Variants in NEXMIF observed in about 807,000 individuals in gnomAD.
The protein encoded by NEXMIF is XLMR protein related to neurite extension.
NEXMIF carries 8 observed loss-of-function variants against 62.1 expected under a neutral mutation model. The ratio of observed to expected loss-of-function variants is 0.13; its 90% CI spans 0.08 to 0.23. The LOEUF is 0.23. NEXMIF is among the 10% of genes least tolerant of loss of function. NEXMIF has a pLI of 1.00. For synonymous variants in NEXMIF, 404 were observed against 416.6 expected (o/e 0.97, Z 0.37); for missense variants, 976 against 1,113.3 (o/e 0.88, Z 1.75).
At chrX:74,915,094 G>T (rs184766414) in intron 1 of NEXMIF, among the ~76,000 whole-genome samples, 1 of 111,496 alleles carries the variant, frequency 9.0e-6, no homozygotes, top group Non-Finnish European at 1.9e-5. Flanking sequence ...GATCTCTAGC[G>T]GTGATGAAAT....
chrX:74,896,932 T>C (rs1416570848), intron 1 of NEXMIF, among the ~76,000 whole-genome samples: 1 of 112,203 alleles, frequency 8.9e-6, no homozygotes, highest in Non-Finnish European at 1.9e-5. Flanking sequence ...TGTTGACACT[T>C]CTGTTCCCAA....
chrX:74,907,055 CT>C (rs2080771410), intron 1 of NEXMIF, among the ~76,000 whole-genome samples: 1 of 111,792 alleles, frequency 8.9e-6, no homozygotes, highest in African/African-American at 3.3e-5. Flanking sequence ...CTTTGACCCC[CT>C]GCCACACCCA....
rs150874746 is a variant in NEXMIF at position 74,809,995 on chromosome X, G to A, written c.-47-64298C>T. Reference sequence around the variant, plus strand: ...AGGATTACAAAATAGTTCTATGAGAGCAAGATCTACCAAGAGGAAGAAACA... The same window carrying A: ...AGGATTACAAAATAGTTCTATGAGAACAAGATCTACCAAGAGGAAGAAACA... On this transcript the variant is annotated intron_variant, in intron 1 of 3. Coordinates refer to ENST00000055682, the MANE Select transcript of NEXMIF (RefSeq NM_001008537.3). Among the ~76,000 whole-genome samples, 439 of 111,693 alleles carry A rather than the reference G, an allele frequency of 3.9e-3. 3 individuals are homozygous for A. The highest frequency in any genetic ancestry group is 0.013 in the African/African-American group (413 of 30,739).
At chrX:74,768,443 G>A (rs764945082) in intron 1 of NEXMIF, among the ~76,000 whole-genome samples, 1 of 112,225 alleles carries the variant, frequency 8.9e-6, no homozygotes, top group Admixed American at 9.4e-5. Context: ...CCCCGAAACT[G>A]ATGTTTTGAG....
At chrX:74,828,607 A>C (rs2080425935) in intron 1 of NEXMIF, among the ~76,000 whole-genome samples, 1 of 111,901 alleles carries the variant, frequency 8.9e-6, no homozygotes, top group Non-Finnish European at 1.9e-5. Context: ...GACTTTAAGC[A>C]ATAGGAATAT....
chrX:74,796,165 T>C (rs1240448961), intron 1 of NEXMIF, among the ~76,000 whole-genome samples: 1 of 74,325 alleles, frequency 1.3e-5, no homozygotes, highest in Non-Finnish European at 2.4e-5. Flanking sequence ...ATATATATTA[T>C]ATATATTATA....
intron 1 of NEXMIF, among the ~76,000 whole-genome samples, chrX:74,862,355 C>A (rs1387874959): frequency 9.1e-6 from 1 of 110,214 alleles, no homozygotes; most frequent in Non-Finnish European, 1.9e-5. Flanking sequence ...TCTTAGAGAC[C>A]TACAAAGAGA....
chrX:74,918,032 G>T (rs763779203), intron 1 of NEXMIF, among the ~76,000 whole-genome samples: 1 of 111,251 alleles, frequency 9.0e-6, no homozygotes, highest in African/African-American at 3.3e-5. Flanking sequence ...GGTAGCTGAG[G>T]GATGTGGCCC....
intron 1 of NEXMIF, among the ~76,000 whole-genome samples, chrX:74,746,512 T>C (rs2147442990): frequency 9.0e-6 from 1 of 111,542 alleles, no homozygotes; most frequent in African/African-American, 3.3e-5. Flanking sequence ...CATCTAGCCC[T>C]CCCCCTGTCC....
intron 1 of NEXMIF, among the ~76,000 whole-genome samples, chrX:74,840,114 G>A (rs1267299015): frequency 2.7e-5 from 3 of 111,826 alleles, no homozygotes; most frequent in Non-Finnish European, 3.8e-5. Context: ...ATTCTGTCTG[G>A]GGTGAGACGG....
intron 1 of NEXMIF, among the ~76,000 whole-genome samples, chrX:74,818,616 TAATTA>T (rs1241928872): frequency 1.8e-5 from 2 of 112,125 alleles, no homozygotes; most frequent in Non-Finnish European, 3.8e-5. Flanking sequence ...ATGTGGGACC[TAATTA>T]AACTAAAGAT....
chrX:74,748,116 A>C (rs1337679745), intron 1 of NEXMIF, among the ~76,000 whole-genome samples: 1 of 112,487 alleles, frequency 8.9e-6, no homozygotes, highest in Non-Finnish European at 1.9e-5. Context: ...ACACTTTGGC[A>C]AAAGATAAAG....
At chrX:74,768,856 G>A (rs1409318665) in intron 1 of NEXMIF, among the ~76,000 whole-genome samples, 5 of 111,892 alleles carry the variant, frequency 4.5e-5, no homozygotes, top group South Asian at 3.8e-4. Flanking sequence ...ACTGGGTCCC[G>A]CTCAGGCTAC....
chrX:74,757,717 C>G, intron 1 of NEXMIF, among the ~76,000 whole-genome samples: 2 of 111,295 alleles, frequency 1.8e-5, no homozygotes, highest in South Asian at 3.9e-4. Context: ...TCCCTTATTT[C>G]TTTTGCTTGT....
chrX:74,790,403 G>A (rs1174198004), intron 1 of NEXMIF, among the ~76,000 whole-genome samples: 4 of 113,261 alleles, frequency 3.5e-5, no homozygotes, highest in Non-Finnish European at 5.6e-5. Context: ...TTGAAGTCAG[G>A]TAGTGTGATG....
intron 1 of NEXMIF, among the ~76,000 whole-genome samples, chrX:74,917,191 T>G (rs1408711049): frequency 9.0e-6 from 1 of 111,632 alleles, no homozygotes; most frequent in East Asian, 2.8e-4. Context: ...GGGGGCAGAT[T>G]TCCCCCTTGC....
chrX:74,749,102 T>C (rs2080134080), intron 1 of NEXMIF, among the ~76,000 whole-genome samples: 1 of 111,275 alleles, frequency 9.0e-6, no homozygotes, highest in Admixed American at 9.6e-5. Context: ...ACAAACAAAT[T>C]GTAAGTATAA....
intron 1 of NEXMIF, among the ~76,000 whole-genome samples, chrX:74,801,373 G>C (rs1210717578): frequency 8.9e-6 from 1 of 111,774 alleles, no homozygotes; most frequent in Non-Finnish European, 1.9e-5. Context: ...AATATGATAA[G>C]CTTTGTAAGA....
At position 74,881,159 on chromosome X, in the gene NEXMIF, T is replaced by C. The variant is rs754990481; in HGVS notation, c.-48+43724A>G. Among the ~76,000 whole-genome samples the C allele has an allele frequency of 4.5e-5, 5 of 111,129 alleles. No homozygotes were observed. In the South Asian group the frequency reaches 1.5e-3, roughly 34 times the overall value. On this transcript the variant is annotated intron_variant, in intron 1 of 3. Coordinates refer to ENST00000055682, the MANE Select transcript of NEXMIF (RefSeq NM_001008537.3). ...TGGAAATTGCTAGAGAAAAGAAAGA[T>C]AGAGACAAAAAGACACACCCAGGTG...
Sources: allele counts gnomAD v4.1 joint callset (sites outside exome capture counted in the v4.1 genomes callset), GRCh38; gene constraint gnomAD v4.1.1; transcripts MANE v1.5; gene names NCBI Gene and HGNC (gene_info 2026-07-23, HGNC 2026-07-21).